Variants in SBF2 observed in about 807,000 individuals in gnomAD.
The protein encoded by SBF2 is SET binding factor 2.
Under a neutral mutation model 225.2 loss-of-function variants are expected in SBF2, and 112 were observed. That is an observed-to-expected ratio of 0.50 (90% CI 0.43 to 0.58). The LOEUF is 0.58. SBF2 is among the 20% of genes least tolerant of loss of function. SBF2 has a pLI of 0.00. For synonymous variants in SBF2, 763 were observed against 773.3 expected, an observed-to-expected ratio of 0.99 and a Z score of 0.22; for missense variants, 1,996 against 2,206.2, an observed-to-expected ratio of 0.90 and a Z score of 1.91.
chr11:9,792,528 C>T (rs1282843716), intron 33 of SBF2, among the ~76,000 whole-genome samples: 2 of 152,124 alleles, frequency 1.3e-5, no homozygotes, highest in East Asian at 1.9e-4. Context: ...GTAGTTACCA[C>T]AGGTGTTCCT....
intron 2 of SBF2, among the ~76,000 whole-genome samples, chr11:10,130,285 G>A (rs921515414): frequency 2.0e-5 from 3 of 150,532 alleles, no homozygotes; most frequent in African/African-American, 4.9e-5. Context: ...TCACTTTAAC[G>A]CAGGAGGCGG....
chr11:10,094,415 A>G lies in SBF2; in HGVS notation c.142-51434T>C, dbSNP rs186504729. Among the ~76,000 whole-genome samples, 4 of 152,100 alleles carry G rather than the reference A, an allele frequency of 2.6e-5. No homozygotes were observed. The East Asian group carries it at 7.7e-4, about 29-fold the overall frequency. ...TTAGAATCATTTTCAACATATAGAC[A>G]TTTATTTTTAACAATTAAACCTGAC... On this transcript the variant is annotated intron_variant, in intron 2 of 39. Transcript: ENST00000256190.
At chr11:10,249,173 TA>T (rs1960092820) in intron 1 of SBF2, among the ~76,000 whole-genome samples, 1 of 152,150 alleles carries the variant, frequency 6.6e-6, no homozygotes, top group African/African-American at 2.4e-5. Flanking sequence ...TGTTTTTCTG[TA>T]AATTGAACAT....
chr11:10,034,927 G>T (rs1172257211), intron 3 of SBF2, among the ~76,000 whole-genome samples: 2 of 152,110 alleles, frequency 1.3e-5, no homozygotes, highest in Admixed American at 1.3e-4. Flanking sequence ...ATCAAACCAG[G>T]TTTGCCCTTT....
At chr11:10,104,214 T>A (rs1184647769) in intron 2 of SBF2, among the ~76,000 whole-genome samples, 1 of 152,206 alleles carries the variant, frequency 6.6e-6, no homozygotes, top group African/African-American at 2.4e-5. Flanking sequence ...TATCTCTTCT[T>A]AAATTTGAGG....
chr11:9,850,933 C>T (rs567855986), intron 21 of SBF2, among the ~76,000 whole-genome samples: 212 of 152,072 alleles, frequency 1.4e-3, no homozygotes, highest in South Asian at 0.011. Flanking sequence ...GTCAGGAGTT[C>T]GAGACCAGCC....
intron 3 of SBF2, among the ~76,000 whole-genome samples, chr11:10,042,098 A>G (rs1199602363): frequency 6.6e-6 from 1 of 152,206 alleles, no homozygotes; most frequent in African/African-American, 2.4e-5. Flanking sequence ...TTCTAGCACA[A>G]CTATGGTGAA....
chr11:10,196,857 TATATATATA>T (rs1472498553), intron 1 of SBF2, among the ~76,000 whole-genome samples: 2,310 of 33,032 alleles, frequency 0.07, 111 homozygotes, highest in African/African-American at 0.13. Flanking sequence ...TATATATATA[TATATATATA>T]TTTTTTTTTT....
intron 1 of SBF2, among the ~76,000 whole-genome samples, chr11:10,246,733 T>C (rs548714610): frequency 2.6e-5 from 4 of 152,252 alleles, no homozygotes; most frequent in Admixed American, 2.6e-4. Flanking sequence ...CAAACAAAAC[T>C]CCAAATCCAG....
intron 26 of SBF2, 29 bp from the exon 27 acceptor site, chr11:9,832,449 T>C (rs779260728): frequency 1.3e-6 from 2 of 1,537,308 alleles, no homozygotes; most frequent in South Asian, 2.2e-5. Flanking sequence ...GAGAAGAGAA[T>C]GATTGGGGGA....
chr11:9,789,106 T>C lies in SBF2; in HGVS notation c.4932+3A>G. 6.2e-7 allele frequency: 1 copy of C among 1,613,762 alleles called. No homozygotes were observed. Among genetic ancestry groups the C allele is most frequent in the African/African-American group, 1.3e-5 (1 of 75,024 alleles). On this transcript the variant is annotated splice_donor_region_variant and intron_variant, in intron 35 of 39. Coordinates refer to ENST00000256190, the MANE Select transcript of SBF2 (RefSeq NM_030962.4). ...CCTAGGTGTGTGTCTACAGTTGACT[T>C]ACACTGAAAAGGCTGGTGAGAGCAT... is the stretch of plus-strand genomic sequence containing the variant.
chr11:10,212,158 T>C (rs1388279658), intron 1 of SBF2, among the ~76,000 whole-genome samples: 1 of 152,180 alleles, frequency 6.6e-6, no homozygotes, highest in Admixed American at 6.5e-5. Context: ...GGGAACTAAT[T>C]TGGGGATTCT....
At chr11:10,040,124 A>C (rs1426969960) in intron 3 of SBF2, among the ~76,000 whole-genome samples, 1 of 152,038 alleles carries the variant, frequency 6.6e-6, no homozygotes, top group Non-Finnish European at 1.5e-5. Flanking sequence ...ATCTAGGGGA[A>C]CATGATTGAT....
At chr11:9,802,272 A>T (rs908870560) in intron 32 of SBF2, among the ~76,000 whole-genome samples, 1 of 152,198 alleles carries the variant, frequency 6.6e-6, no homozygotes, top group African/African-American at 2.4e-5. Context: ...GAGCTAAGCC[A>T]ATTTCTTTTA....
chr11:9,953,700 AG>A (rs1865991490), intron 16 of SBF2, among the ~76,000 whole-genome samples: 1 of 152,150 alleles, frequency 6.6e-6, no homozygotes, highest in Non-Finnish European at 1.5e-5. Context: ...TTAACTGCTC[AG>A]GGCTTGGTTT....
At chr11:10,301,242 C>G (rs561036230) in intron 1 of SBF2, among the ~76,000 whole-genome samples, 1 of 152,286 alleles carries the variant, frequency 6.6e-6, no homozygotes, top group South Asian at 2.1e-4. Context: ...TAAACTTGGT[C>G]AACCTCCCGG....
At chr11:10,291,048 T>A (rs534255548) in intron 1 of SBF2, among the ~76,000 whole-genome samples, 2 of 152,326 alleles carry the variant, frequency 1.3e-5, no homozygotes, top group Admixed American at 1.3e-4. Flanking sequence ...CAAAGAGTGA[T>A]GGGGATGTAC....
rs1371528207 is a variant in SBF2, at chr11:10,285,855, AAAC to A, written c.55+8157_55+8159del. ...CCTCCACCAATAACAGTAAGAAGTC[AAAC>A]AACCCAATAAAAAAGAGCACAAATT... On this transcript the variant is annotated intron_variant, in intron 1 of 39. Coordinates refer to ENST00000256190, the MANE Select transcript of SBF2 (RefSeq NM_030962.4). 3.3e-5 allele frequency among the ~76,000 whole-genome samples: 5 copies of A among 152,244 alleles called. No homozygotes were observed. The South Asian group carries it at 1.0e-3, about 31-fold the overall frequency.
At chr11:10,093,359 C>T (rs1009655846) in intron 2 of SBF2, among the ~76,000 whole-genome samples, 2 of 147,894 alleles carry the variant, frequency 1.4e-5, no homozygotes, top group African/African-American at 5.0e-5. Context: ...AATATACTAA[C>T]AGCTTCATCC....
Sources: gnomAD v4.1 joint callset for allele counts (sites outside exome capture counted in the v4.1 genomes callset) on GRCh38, gnomAD v4.1.1 for gene constraint, MANE v1.5 for transcripts, NCBI Gene and HGNC (gene_info 2026-07-23, HGNC 2026-07-21) for gene names.